The following HDAC9 variants were observed in gnomAD, a reference collection of about 807,000 sequenced individuals.
HDAC9 encodes the protein histone deacetylase 9.
In HDAC9, 41 loss-of-function variants were observed where a neutral mutation model predicts 139.4. The observed-to-expected ratio is 0.29, with a 90% CI of 0.23 to 0.38. The LOEUF (loss-of-function observed/expected upper bound fraction) is 0.38. HDAC9 is among the 10% of genes least tolerant of loss of function. The pLI is 1.00. For missense variants in HDAC9, 1,147 were observed against 1,297.0 expected, an observed-to-expected ratio of 0.88 and a Z score of 1.78; for synonymous variants, 517 against 476.2, an observed-to-expected ratio of 1.09 and a Z score of -1.12.
At chr7:18,835,763 G>T in intron 20 of HDAC9, 137 bp from the exon 21 acceptor site, 1 of 1,016,128 alleles carries the variant, frequency 9.8e-7, no homozygotes, top group Non-Finnish European at 1.5e-6. Context: ...AGCACTGTTT[G>T]TCAGGGAAGG....
intron 22 of HDAC9, among the ~76,000 whole-genome samples, chr7:18,877,770 G>T (rs113524625): frequency 6.6e-6 from 1 of 152,064 alleles, no homozygotes; most frequent in East Asian, 1.9e-4. Context: ...ATATAGAGGT[G>T]ATTTAAAATT....
intron 1 of HDAC9, among the ~76,000 whole-genome samples, chr7:18,349,362 A>G (rs1585300861): frequency 7.1e-6 from 1 of 141,030 alleles, no homozygotes; most frequent in African/African-American, 2.6e-5. Context: ...ACACACACAC[A>G]GATATTGCCC....
chr7:18,227,311 G>C (rs1584736718), intron 2 of HDAC9, among the ~76,000 whole-genome samples: 1 of 152,046 alleles, frequency 6.6e-6, no homozygotes, highest in African/African-American at 2.4e-5. Context: ...TTTTTTGAAA[G>C]AATATAAAAA....
chr7:18,119,186 A>G (rs1784209350), intron 1 of HDAC9, among the ~76,000 whole-genome samples: 1 of 152,220 alleles, frequency 6.6e-6, no homozygotes, highest in Non-Finnish European at 1.5e-5. Context: ...AGGTTACTAT[A>G]ACAGAAAAGA....
chr7:18,478,734 CAAAAT>C (rs1404576406), intron 1 of HDAC9, among the ~76,000 whole-genome samples: 12 of 152,226 alleles, frequency 7.9e-5, no homozygotes, highest in Middle Eastern at 3.4e-3. Flanking sequence ...ATGTTTGTAA[CAAAAT>C]AAACTTTCAC....
intron 12 of HDAC9, among the ~76,000 whole-genome samples, chr7:18,701,418 A>AC (rs1783476096): frequency 2.7e-5 from 4 of 150,070 alleles, no homozygotes; most frequent in African/African-American, 9.8e-5. Context: ...AAAACAAACA[A>AC]AAAAAAAAAA....
chr7:18,493,397 T>C (rs1189321403), upstream of HDAC9, among the ~76,000 whole-genome samples: 2 of 151,948 alleles, frequency 1.3e-5, no homozygotes, highest in Non-Finnish European at 2.9e-5. Context: ...TTGTATCATT[T>C]TGGTAAGGGA....
At chr7:18,542,197 A>G (rs900832791) in intron 2 of HDAC9, among the ~76,000 whole-genome samples, 2 of 152,194 alleles carry the variant, frequency 1.3e-5, no homozygotes, top group African/African-American at 4.8e-5. Context: ...GAAAAATGAC[A>G]TATACAAAAT....
chr7:18,800,727 G>C (rs926412112), intron 17 of HDAC9, among the ~76,000 whole-genome samples: 3 of 152,126 alleles, frequency 2.0e-5, no homozygotes, highest in Non-Finnish European at 2.9e-5. Flanking sequence ...CAGCTACTCA[G>C]GATGCTGAGA....
intron 12 of HDAC9, among the ~76,000 whole-genome samples, chr7:18,684,672 TA>T (rs1480491025): frequency 1.3e-5 from 2 of 151,986 alleles, no homozygotes; most frequent in African/African-American, 4.8e-5. Flanking sequence ...TAAAATTTGA[TA>T]TAGACTAATT....
chr7:18,999,762 A>G lies in HDAC9; in HGVS notation c.*3700A>G, dbSNP rs776512998. On this transcript the variant is annotated 3_prime_UTR_variant, in exon 26 of 26. Transcript: ENST00000686413. ...CCAAACTTATTGTTTTAATCCCAGCATTTATGTTTAGAAGAATTAATTTAA... is the reference window on the plus strand; with the variant it reads ...CCAAACTTATTGTTTTAATCCCAGCGTTTATGTTTAGAAGAATTAATTTAA... 6.6e-6 allele frequency: 1 copy of G among 152,132 alleles called. No individual in the cohort carries two copies. The highest frequency in any genetic ancestry group is 6.5e-5 in the Admixed American group (1 of 15,272). 9.4% of individuals were successfully genotyped at this position (152,132 alleles called of 1,614,324 possible).
intron 2 of HDAC9, among the ~76,000 whole-genome samples, chr7:18,550,522 C>G (rs11977090): frequency 6.6e-6 from 1 of 151,912 alleles, no homozygotes; most frequent in Non-Finnish European, 1.5e-5. Flanking sequence ...AGACTTAATT[C>G]GTAAGTAAAT....
intron 2 of HDAC9, among the ~76,000 whole-genome samples, chr7:18,166,112 G>A (rs1482560555): frequency 1.3e-5 from 2 of 152,122 alleles, no homozygotes; most frequent in African/African-American, 4.8e-5. Context: ...TCTATTTTTT[G>A]TAATTAATTT....
intron 23 of HDAC9, among the ~76,000 whole-genome samples, chr7:18,936,567 G>T (rs1442555088): frequency 6.6e-6 from 1 of 152,124 alleles, no homozygotes; most frequent in African/African-American, 2.4e-5. Flanking sequence ...TTGCTATGAG[G>T]TTCACTTCCA....
At chr7:18,771,077 C>T (rs991537673) in intron 16 of HDAC9, among the ~76,000 whole-genome samples, 15 of 151,958 alleles carry the variant, frequency 9.9e-5, no homozygotes, top group African/African-American at 2.9e-4. Flanking sequence ...GAGCTGTGGA[C>T]GAGGGAGAAC....
intron 1 of HDAC9, among the ~76,000 whole-genome samples, chr7:18,157,804 TGAGAGAGAGAGAGA>T (rs67690215): frequency 0.011 from 1,180 of 109,526 alleles, 20 homozygotes; most frequent in African/African-American, 0.035. Flanking sequence ...TTCTAAGGCA[TGAGAGAGAGAGAGA>T]GAGAGAGAGA....
At chr7:18,928,622 C>G (rs547351296) in intron 22 of HDAC9, among the ~76,000 whole-genome samples, 4 of 152,044 alleles carry the variant, frequency 2.6e-5, no homozygotes, top group African/African-American at 9.7e-5. Context: ...TGCATGGGTA[C>G]ATTTTAAATG....
intron 2 of HDAC9, among the ~76,000 whole-genome samples, chr7:18,185,673 A>G (rs1013924756): frequency 1.3e-5 from 2 of 152,176 alleles, no homozygotes; most frequent in African/African-American, 4.8e-5. Flanking sequence ...ATTCAAGATT[A>G]TTAAATCTCA....
intron 6 of HDAC9, among the ~76,000 whole-genome samples, chr7:18,604,213 CTCTT>C (rs2128883130): frequency 6.6e-6 from 1 of 152,146 alleles, no homozygotes; most frequent in Non-Finnish European, 1.5e-5. Flanking sequence ...TATTCTTTCT[CTCTT>C]TCTTGTTATT....
Sources: allele counts gnomAD v4.1 joint callset (sites outside exome capture counted in the v4.1 genomes callset), GRCh38; gene constraint gnomAD v4.1.1; transcripts MANE v1.5; gene names NCBI Gene and HGNC (gene_info 2026-07-23, HGNC 2026-07-21).